Variants in LYRM4 observed in about 807,000 individuals in gnomAD.
The protein encoded by LYRM4 is LYR motif containing 4.
A neutral mutation model predicts 11.7 loss-of-function variants in LYRM4; 9 were observed. The ratio of observed to expected loss-of-function variants is 0.77; its 90% CI spans 0.46 to 1.34. LYRM4 has a LOEUF of 1.34. LYRM4 is among the 40% of genes most tolerant of loss of function. The probability of loss-of-function intolerance (pLI) is 0.00; values close to 1 mark genes in which losing one functional copy is unlikely to be tolerated. For missense variants in LYRM4, 133 were observed against 112.5 expected (o/e 1.18, Z -0.82); for synonymous variants, 42 against 40.4 (o/e 1.04, Z -0.15).
At chr6:5,247,448 C>G (rs1764245298) in intron 1 of LYRM4, among the ~76,000 whole-genome samples, 1 of 152,124 alleles carries the variant, frequency 6.6e-6, no homozygotes, top group African/African-American at 2.4e-5. Context: ...TTTGTTTAGT[C>G]AAGCGTAAAG....
At chr6:5,045,533 G>A in the LYRM4 span, among the ~76,000 whole-genome samples, 4 of 152,184 alleles carry the variant, frequency 2.6e-5, no homozygotes, top group African/African-American at 7.2e-5. Context: ...TTCTGGAAAC[G>A]GTTAATGGTG....
At chr6:5,173,755 T>A (rs1005233416) in intron 2 of LYRM4, among the ~76,000 whole-genome samples, 1 of 152,216 alleles carries the variant, frequency 6.6e-6, no homozygotes, top group Non-Finnish European at 1.5e-5. Flanking sequence ...TGTTTAAATA[T>A]GTATGCAGAA....
intron 2 of LYRM4, among the ~76,000 whole-genome samples, chr6:5,131,726 T>G (rs1763964095): frequency 6.6e-6 from 1 of 152,212 alleles, no homozygotes; most frequent in Admixed American, 6.5e-5. Context: ...ATTCCTCAGG[T>G]TAATTTATTT....
the LYRM4 span, among the ~76,000 whole-genome samples, chr6:5,093,942 C>G: frequency 6.6e-6 from 1 of 152,200 alleles, no homozygotes; most frequent in Non-Finnish European, 1.5e-5. Context: ...GCTGCCTGTG[C>G]AGGGTCCTGA....
chr6:5,152,322 T>C (rs1425954746), intron 2 of LYRM4, among the ~76,000 whole-genome samples: 1 of 152,136 alleles, frequency 6.6e-6, no homozygotes, highest in Non-Finnish European at 1.5e-5. Flanking sequence ...AAGCATTTCC[T>C]AGGAAAGCGG....
chr6:5,113,650 A>T (rs1002686946), intron 2 of LYRM4, among the ~76,000 whole-genome samples: 2 of 152,112 alleles, frequency 1.3e-5, no homozygotes, highest in Non-Finnish European at 2.9e-5. Context: ...TGAACCCCAG[A>T]TCTTCTGATC....
Position 5,166,660 on chromosome 6 carries a change from G to T in LYRM4, c.207+49958C>A, listed in dbSNP as rs563867887. ...CATCAGGTGAGACTTAAGCACAGATGAAACAAATTATTGGTCTGGGTTTCA... is the reference window on the plus strand; with the variant it reads ...CATCAGGTGAGACTTAAGCACAGATTAAACAAATTATTGGTCTGGGTTTCA... On this transcript the variant is annotated intron_variant, in intron 2 of 2. Coordinates refer to ENST00000330636, the MANE Select transcript of LYRM4 (RefSeq NM_020408.6). Among the ~76,000 whole-genome samples, 26 of 152,328 alleles carry T rather than the reference G, an allele frequency of 1.7e-4. No homozygotes were observed. The South Asian group carries it at 5.0e-3, about 29-fold the overall frequency.
the LYRM4 span, among the ~76,000 whole-genome samples, chr6:5,091,906 G>T: frequency 6.6e-6 from 1 of 152,182 alleles, no homozygotes; most frequent in African/African-American, 2.4e-5. Flanking sequence ...TAATTTCTCC[G>T]ATTGTAGTTA....
chr6:5,071,274 A>G, the LYRM4 span, among the ~76,000 whole-genome samples: 3 of 152,132 alleles, frequency 2.0e-5, no homozygotes, highest in Non-Finnish European at 4.4e-5. Context: ...GAACTCTATT[A>G]CTAGTTTTTG....
chr6:5,063,300 G>A, the LYRM4 span, among the ~76,000 whole-genome samples: 1 of 151,680 alleles, frequency 6.6e-6, no homozygotes, highest in Non-Finnish European at 1.5e-5. Context: ...GCTGACCCTG[G>A]GCTTTTCGGA....
At chr6:5,217,320 C>T (rs569630773) in intron 1 of LYRM4, among the ~76,000 whole-genome samples, 15 of 152,346 alleles carry the variant, frequency 9.8e-5, no homozygotes, top group South Asian at 6.2e-4. Flanking sequence ...TAGGCCAACA[C>T]GCTTTCTTTA....
chr6:5,200,942 C>T (rs1008056486), intron 2 of LYRM4, among the ~76,000 whole-genome samples: 1 of 152,128 alleles, frequency 6.6e-6, no homozygotes, highest in Non-Finnish European at 1.5e-5. Flanking sequence ...CCCAGTAATA[C>T]CGTGTAAAAC....
In LYRM4 at chr6:5,250,451, C is replaced by T. The variant is rs564693376; in HGVS notation, c.86+10197G>A. On this transcript the variant is annotated intron_variant, in intron 1 of 2. Transcript: ENST00000330636. ...CTAAATATCTTAAATATTTTCTACT[C>T]TAAGTTAACCGTACTATTTTTATTT... Among the ~76,000 whole-genome samples, 5 of 152,256 alleles carry T rather than the reference C, an allele frequency of 3.3e-5. No individual in the cohort carries two copies. The South Asian group carries it at 6.2e-4, about 19-fold the overall frequency.
intron 2 of LYRM4, among the ~76,000 whole-genome samples, chr6:5,170,219 T>G (rs1307459689): frequency 2.0e-5 from 3 of 152,152 alleles, no homozygotes; most frequent in Non-Finnish European, 4.4e-5. Flanking sequence ...AAGCAAGCAT[T>G]TTCATTTTAT....
At chr6:5,190,889 C>T (rs1234762507) in intron 2 of LYRM4, among the ~76,000 whole-genome samples, 2 of 152,108 alleles carry the variant, frequency 1.3e-5, no homozygotes, top group Non-Finnish European at 2.9e-5. Flanking sequence ...ATATGTTATG[C>T]AAAACTTTGT....
At chr6:5,041,811 A>G in the LYRM4 span, among the ~76,000 whole-genome samples, 1 of 152,242 alleles carries the variant, frequency 6.6e-6, no homozygotes, top group South Asian at 2.1e-4. Flanking sequence ...CTAATAAACT[A>G]TAAGAAGCAA....
In LYRM4 at chr6:5,136,431, G is replaced by A. The variant is rs1014871688; in HGVS notation, c.208-26940C>T. The A allele has an allele frequency of 1.2e-5, 12 of 983,138 alleles. No individual in the cohort carries two copies. In the African/African-American group the frequency reaches 1.7e-4, roughly 14 times the overall value. 60.9% of individuals were successfully genotyped at this position (983,138 alleles called of 1,614,324 possible). The stretch of plus-strand genomic sequence containing the variant: ...CTTAAGAGCCTGGGGTTTGTCCCAA[G>A]ACAAACCTGGTTTAAACACCTGCTC... On this transcript the variant is annotated intron_variant, in intron 2 of 2. Transcript: ENST00000330636.
intron 2 of LYRM4, among the ~76,000 whole-genome samples, chr6:5,118,094 A>ATATATTTTT: frequency 0.18 from 15,518 of 86,448 alleles, 1,487 homozygotes; most frequent in African/African-American, 0.21. Flanking sequence ...ATATATATAT[A>ATATATTTTT]TTTTTGTTTT....
intron 2 of LYRM4, among the ~76,000 whole-genome samples, chr6:5,191,949 G>T (rs986411345): frequency 6.6e-6 from 1 of 152,068 alleles, no homozygotes; most frequent in Non-Finnish European, 1.5e-5. Context: ...GAAACAATCC[G>T]ACAGATTAAG....
Sources: gnomAD v4.1 joint callset for allele counts (sites outside exome capture counted in the v4.1 genomes callset) on GRCh38, gnomAD v4.1.1 for gene constraint, MANE v1.5 for transcripts, NCBI Gene and HGNC (gene_info 2026-07-23, HGNC 2026-07-21) for gene names.